Variants in MYO9A observed in about 807,000 individuals in gnomAD.
MYO9A encodes myosin IXA, also known as unconventional myosin-IXa.
MYO9A carries 103 observed loss-of-function variants against 293.3 expected under a neutral mutation model. That is an observed-to-expected ratio of 0.35 (90% confidence interval 0.30 to 0.41). The LOEUF (loss-of-function observed/expected upper bound fraction) is 0.41. MYO9A is among the 10% of genes least tolerant of loss of function. The pLI is 1.00. For synonymous variants in MYO9A, 1,001 were observed against 1,035.7 expected (o/e 0.97, Z 0.64); for missense variants, 2,685 against 3,033.0 (o/e 0.89, Z 2.69).
chr15:72,068,918 A>G (rs199837289), intron 1 of MYO9A, among the ~76,000 whole-genome samples: 1 of 152,286 alleles, frequency 6.6e-6, no homozygotes, highest in East Asian at 1.9e-4. Flanking sequence ...AACAACCCTA[A>G]GGAAAGGCAC....
chr15:71,893,031 T>G, intron 26 of MYO9A: 3 of 1,289,850 alleles, frequency 2.3e-6, no homozygotes, highest in Non-Finnish European at 3.0e-6. Flanking sequence ...AGTGAGAAGC[T>G]TGGTCAAGGG....
intron 39 of MYO9A, among the ~76,000 whole-genome samples, chr15:71,834,266 C>T (rs532621705): frequency 3.3e-5 from 5 of 151,886 alleles, no homozygotes; most frequent in South Asian, 4.2e-4. Flanking sequence ...CTAATTAATA[C>T]CATCAATGAA....
intron 11 of MYO9A, among the ~76,000 whole-genome samples, chr15:71,988,899 C>T (rs1420590730): frequency 1.3e-5 from 2 of 152,018 alleles, no homozygotes; most frequent in African/African-American, 4.8e-5. Context: ...AACTGAAAGC[C>T]CACTCTTTTT....
At chr15:72,093,054 A>C (rs1182046752) in intron 1 of MYO9A, among the ~76,000 whole-genome samples, 1 of 152,204 alleles carries the variant, frequency 6.6e-6, no homozygotes, top group Non-Finnish European at 1.5e-5. Context: ...AGGAAAAATT[A>C]ACAAGAAAAA....
intron 9 of MYO9A, among the ~76,000 whole-genome samples, chr15:71,999,257 A>G (rs1376129953): frequency 1.3e-5 from 2 of 151,816 alleles, no homozygotes; most frequent in East Asian, 3.9e-4. Context: ...CTTTTCAATA[A>G]TTTTCCTGCC....
intron 19 of MYO9A, among the ~76,000 whole-genome samples, chr15:71,911,668 C>G (rs976529337): frequency 4.6e-5 from 7 of 152,178 alleles, no homozygotes; most frequent in African/African-American, 1.4e-4. Flanking sequence ...AGACATAGTG[C>G]TATGAAGTGA....
intron 1 of MYO9A, among the ~76,000 whole-genome samples, chr15:72,099,436 A>AAG (rs1479480146): frequency 2.9e-4 from 44 of 150,420 alleles, no homozygotes; most frequent in African/African-American, 8.5e-4. Context: ...AAAAAAAAAA[A>AAG]AAAAAAGAAA....
At chr15:72,065,843 A>T (rs538979456) in intron 1 of MYO9A, among the ~76,000 whole-genome samples, 6 of 152,220 alleles carry the variant, frequency 3.9e-5, no homozygotes, top group Non-Finnish European at 8.8e-5. Flanking sequence ...TATAAAAAAT[A>T]AAATTCAACA....
At chr15:72,045,307 A>C (rs932511272) in intron 2 of MYO9A, 1 of 152,022 alleles carries the variant, frequency 6.6e-6, no homozygotes, top group Non-Finnish European at 1.5e-5. Context: ...CTTGTTGCCC[A>C]GGCTAGAGTG....
Position 71,826,845 on chromosome 15 carries a change from C to A in MYO9A, c.7382G>T (p.Arg2461Leu). 1 of 1,614,032 alleles carries A rather than the reference C, an allele frequency of 6.2e-7. No individual in the cohort carries two copies. The highest frequency in any genetic ancestry group is 1.1e-5 in the South Asian group (1 of 91,080). Residue 2461 changes from arginine (R) to leucine (L), a missense_variant, in exon 42 of 42, where the codon CGA becomes CTA. By Grantham distance (102) the Arg-to-Leu change is moderately radical. This residue lies in a region of MYO9A where 350 missense variants were observed against 328.9 expected (regional missense o/e 1.06). Coordinates refer to ENST00000356056, the MANE Select transcript of MYO9A (RefSeq NM_006901.4). Reference sequence around the variant, plus strand: ...CAGGGCCTCATTACCTGAGGCAGCTCGGTAGAATGGAGATTTGGAATAAAT... The same window carrying A: ...CAGGGCCTCATTACCTGAGGCAGCTAGGTAGAATGGAGATTTGGAATAAAT... ...FQIYSKSPFY[R>L]AASGNEALGM...
chr15:71,924,034 T>A (rs1294949012), intron 18 of MYO9A, among the ~76,000 whole-genome samples: 1 of 148,144 alleles, frequency 6.8e-6, no homozygotes, highest in Non-Finnish European at 1.5e-5. Context: ...TAGGTTTTAG[T>A]ACATTGCATT....
At chr15:71,861,675 GAT>G (rs1392804541) in intron 33 of MYO9A, among the ~76,000 whole-genome samples, 6 of 93,408 alleles carry the variant, frequency 6.4e-5, no homozygotes, top group Non-Finnish European at 1.2e-4. Context: ...AGGCACTGAT[GAT>G]ATAAAAAAAA....
In MYO9A at chr15:71,862,398, G is replaced by A. The variant is rs2056173157; in HGVS notation, c.6091+102C>T. 3 of 829,374 alleles carry A rather than the reference G, an allele frequency of 3.6e-6. No homozygotes were observed. In the South Asian group the frequency reaches 4.5e-5, roughly 12 times the overall value. The allele number at this position is 829,374 out of a possible 1,614,324, so 51.4% of individuals were successfully genotyped here. On this transcript the variant is annotated intron_variant, in intron 33 of 41. Coordinates refer to ENST00000356056, the MANE Select transcript of MYO9A (RefSeq NM_006901.4). The stretch of plus-strand genomic sequence containing the variant: ...GCAAGAGATGAGGTTAAAAATTTAG[G>A]TAGTGTAAATAACTCCTTTATGTTA...
chr15:71,841,211 T>G (rs573171140), intron 39 of MYO9A, among the ~76,000 whole-genome samples: 1 of 152,370 alleles, frequency 6.6e-6, no homozygotes, highest in African/African-American at 2.4e-5. Flanking sequence ...TTATTTTATA[T>G]CTCCAATTCT....
At chr15:72,015,344 G>GA (rs2149069681) in intron 6 of MYO9A, among the ~76,000 whole-genome samples, 1 of 152,290 alleles carries the variant, frequency 6.6e-6, no homozygotes, top group African/African-American at 2.4e-5. Context: ...CAGAGTAGAT[G>GA]AAAACATTAT....
At chr15:71,988,944 G>A (rs2076471536) in intron 11 of MYO9A, among the ~76,000 whole-genome samples, 1 of 152,116 alleles carries the variant, frequency 6.6e-6, no homozygotes, top group Non-Finnish European at 1.5e-5. Flanking sequence ...ACCCAGGCTG[G>A]AGTACAGTGG....
At chr15:71,920,577 TA>T (rs1273457746) in intron 18 of MYO9A, among the ~76,000 whole-genome samples, 1 of 152,200 alleles carries the variant, frequency 6.6e-6, no homozygotes, top group Non-Finnish European at 1.5e-5. Flanking sequence ...TTACCCAATC[TA>T]AAACATTTTA....
At chr15:72,116,724 A>G (rs988467578) in intron 1 of MYO9A, 7 of 152,250 alleles carry the variant, frequency 4.6e-5, no homozygotes, top group African/African-American at 1.7e-4. Flanking sequence ...ATACTACAAG[A>G]CGACATAGTT....
chr15:72,002,213 G>C (rs1395750943), intron 8 of MYO9A, among the ~76,000 whole-genome samples: 8 of 151,862 alleles, frequency 5.3e-5, no homozygotes. Context: ...ATCCCAGCCT[G>C]GAGCTACAGG....
Sources: allele counts gnomAD v4.1 joint callset (sites outside exome capture counted in the v4.1 genomes callset), GRCh38; gene constraint gnomAD v4.1.1; regional missense constraint gnomAD v4.1.1; transcripts MANE v1.5; gene names NCBI Gene and HGNC (gene_info 2026-07-23, HGNC 2026-07-21).